The following ELP2 variants were observed in gnomAD, a reference collection of about 807,000 sequenced individuals.
The protein encoded by ELP2 is elongator acetyltransferase complex subunit 2, also known as elongator complex protein 2.
A neutral mutation model predicts 119.2 loss-of-function variants in ELP2; 90 were observed. The observed-to-expected ratio is 0.75, with a 90% CI of 0.64 to 0.90. The LOEUF (loss-of-function observed/expected upper bound fraction) is 0.90. Among genes scored for constraint, ELP2 ranks in the 40% least tolerant of loss-of-function variants. The pLI is 0.00. For synonymous variants in ELP2, 339 were observed against 331.0 expected, an observed-to-expected ratio of 1.02 and a Z score of -0.26; for missense variants, 921 against 967.8, an observed-to-expected ratio of 0.95 and a Z score of 0.64.
At chr18:36,131,597 A>T (rs2089630232) in intron 1 of ELP2, among the ~76,000 whole-genome samples, 1 of 152,184 alleles carries the variant, frequency 6.6e-6, no homozygotes, top group Non-Finnish European at 1.5e-5. Flanking sequence ...AGCAAGGCAC[A>T]CTCTTTGCCA....
intron 1 of ELP2, among the ~76,000 whole-genome samples, chr18:36,132,611 G>T (rs552469697): frequency 4.6e-5 from 7 of 152,276 alleles, no homozygotes; most frequent in African/African-American, 1.7e-4. Context: ...TCCAAGTGTG[G>T]GGTGAAGTTG....
In ELP2 at chr18:36,175,031, T is replaced by C. The variant is rs547446617; in HGVS notation, c.*390T>C. ...TTAAGTCACATAGCAGTAGTCCTTATTTCAGTGCTAGACCCTTTGAAATGC... is the reference window on the plus strand; with the variant it reads ...TTAAGTCACATAGCAGTAGTCCTTACTTCAGTGCTAGACCCTTTGAAATGC... On this transcript the variant is annotated 3_prime_UTR_variant, in exon 22 of 22. Transcript: ENST00000358232. The C allele has an allele frequency of 3.8e-6, 1 of 264,488 alleles. No homozygotes were observed. The highest frequency in any genetic ancestry group is 4.4e-5 in the South Asian group (1 of 22,808). The allele number at this position is 264,488 out of a possible 1,614,324, so 16.4% of individuals were successfully genotyped here. A position where few individuals can be genotyped will look rare whatever the true frequency, so the allele number is the denominator to read the frequency against.
At chr18:36,163,463 G>A (rs1437917415) in intron 17 of ELP2, among the ~76,000 whole-genome samples, 2 of 151,600 alleles carry the variant, frequency 1.3e-5, no homozygotes, top group Non-Finnish European at 2.9e-5. Context: ...TTATGTTTTG[G>A]TGAAGTCCAG....
At chr18:36,156,710 A>G in intron 13 of ELP2, 56 bp downstream of exon 13, 1 of 1,530,504 alleles carries the variant, frequency 6.5e-7, no homozygotes, top group South Asian at 1.1e-5. Flanking sequence ...TTAAATTTAA[A>G]AGGATTTTTG....
At chr18:36,139,383 G>A (rs1055234085) in intron 5 of ELP2, 30 of 1,520,438 alleles carry the variant, frequency 2.0e-5, no homozygotes, top group Admixed American at 9.9e-5. Context: ...AAAGATAATA[G>A]CCAGTGTGAG....
In ELP2 at chr18:36,170,079, A is replaced by T. The variant is rs376469209; in HGVS notation, c.2093A>T (p.Glu698Val). The T allele has an allele frequency of 1.1e-5, 18 of 1,614,014 alleles. No homozygotes were observed. The highest frequency in any genetic ancestry group is 1.4e-5 in the Non-Finnish European group (17 of 1,180,036). The stretch of plus-strand genomic sequence containing the variant: ...CTGTATTAGGTGGTTGTCTGGGGTG[A>T]GTGCGACTCCACTGATGACTGTATT... ...SRDKKVVVWG[E>V]CDSTDDCIEH... The change falls in exon 20 of 22, where the codon GAG (glutamate) becomes GTG (valine). Residue 698 changes from glutamate to valine, a missense_variant. Physicochemically the swap from Glu to Val is moderately radical, Grantham distance 121 (BLOSUM62 -2). Transcript: ENST00000358232.
intron 2 of ELP2, 98 bp from the exon 3 acceptor site, chr18:36,136,209 G>T: frequency 1.2e-6 from 1 of 846,138 alleles, no homozygotes; most frequent in East Asian, 2.5e-5. Context: ...AATCTAGGTA[G>T]AGGGTACAGG....
intron 17 of ELP2, 122 bp from the exon 18 acceptor site, chr18:36,164,353 T>G: frequency 1.1e-6 from 1 of 893,840 alleles, no homozygotes; most frequent in Non-Finnish European, 1.8e-6. Flanking sequence ...TCCTAGGAAT[T>G]TTTTTTGGAA....
At chr18:36,150,545 A>T (rs897164224) in intron 11 of ELP2, among the ~76,000 whole-genome samples, 2 of 152,230 alleles carry the variant, frequency 1.3e-5, no homozygotes, top group African/African-American at 4.8e-5. Flanking sequence ...GAAATACTCT[A>T]GTCCAAACCC....
chr18:36,157,640 TGTGA>T (rs1309797881), intron 13 of ELP2, among the ~76,000 whole-genome samples: 1 of 152,184 alleles, frequency 6.6e-6, no homozygotes, highest in Non-Finnish European at 1.5e-5. Flanking sequence ...CTAGCACCAG[TGTGA>T]GTAAGACTGG....
intron 11 of ELP2, among the ~76,000 whole-genome samples, chr18:36,149,483 G>GTT (rs561853812): frequency 0.046 from 4,658 of 101,648 alleles, 503 homozygotes; most frequent in African/African-American, 0.14. Context: ...TTTTTGTTTT[G>GTT]TTTTGTTTTT....
intron 1 of ELP2, 82 bp downstream of exon 1, chr18:36,130,153 C>A (rs1439110567): frequency 1.3e-6 from 2 of 1,582,390 alleles, no homozygotes; most frequent in South Asian, 1.1e-5. Context: ...TGTTAGTTGC[C>A]GCCCCAGACC....
chr18:36,156,770 C>G, intron 13 of ELP2, 116 bp downstream of exon 13: 5 of 991,944 alleles, frequency 5.0e-6, no homozygotes, highest in Non-Finnish European at 7.6e-6. Context: ...AATATTGTTT[C>G]TTAATGTAAG....
chr18:36,135,788 C>A (rs2089802662), intron 2 of ELP2, among the ~76,000 whole-genome samples: 1 of 152,090 alleles, frequency 6.6e-6, no homozygotes, highest in African/African-American at 2.4e-5. Context: ...TTCTGCAGAA[C>A]AAGTGCTGGG....
intron 6 of ELP2, among the ~76,000 whole-genome samples, 200 bp from the exon 7 acceptor site, chr18:36,142,081 A>G (rs910353456): frequency 6.6e-6 from 1 of 152,096 alleles, no homozygotes; most frequent in African/African-American, 2.4e-5. Flanking sequence ...TATATTATCT[A>G]CTCAGAGGTG....
rs369073469 is a variant in ELP2 at position 36,162,270 on chromosome 18, ATAGAG to A, written c.1761+1270_1761+1274del. 8.1e-3 allele frequency among the ~76,000 whole-genome samples: 1,227 copies of A among 152,160 alleles called. 10 individuals carry two copies. The highest frequency in any genetic ancestry group is 0.014 in the Middle Eastern group (4 of 294). On this transcript the variant is annotated intron_variant, in intron 17 of 21. Transcript: ENST00000358232. ...AACCACTTGTCTGCTTTTTGTCATGATAGAGTAGTTTACATTTTCTAAAATTGTAT... is the reference window on the plus strand; with the variant it reads ...AACCACTTGTCTGCTTTTTGTCATGATAGTTTACATTTTCTAAAATTGTAT...
At chr18:36,138,724 C>A in intron 4 of ELP2, 71 bp from the exon 5 acceptor site, 3 of 1,237,266 alleles carry the variant, frequency 2.4e-6, no homozygotes, top group East Asian at 2.3e-5. Flanking sequence ...TGTGATGATG[C>A]TATCCAACCT....
At chr18:36,170,821 TG>T in intron 20 of ELP2, 1 of 568,778 alleles carries the variant, frequency 1.8e-6, no homozygotes. Flanking sequence ...CACTGGCTCA[TG>T]GGCCTTGCCA....
chr18:36,145,073 A>G, intron 9 of ELP2, 39 bp downstream of exon 9: 1 of 1,479,790 alleles, frequency 6.8e-7, no homozygotes, highest in Non-Finnish European at 9.5e-7. Flanking sequence ...TACTCCAGTT[A>G]AATCTTATGG....
Sources: gnomAD v4.1 joint callset for allele counts (sites outside exome capture counted in the v4.1 genomes callset) on GRCh38, gnomAD v4.1.1 for gene constraint, MANE v1.5 for transcripts, NCBI Gene and HGNC (gene_info 2026-07-23, HGNC 2026-07-21) for gene names.